The following SLC12A2 variants were observed in gnomAD, a reference collection of about 807,000 sequenced individuals.
The protein encoded by SLC12A2 is Na-K-2Cl cotransporter 1.
A neutral mutation model predicts 136.3 loss-of-function variants in SLC12A2; 67 were observed. The observed-to-expected ratio is 0.49, with a 90% CI of 0.40 to 0.60. The LOEUF is 0.60. Ranked by LOEUF, SLC12A2 falls within the 20% of genes least tolerant of loss-of-function variation. The pLI, the probability that SLC12A2 is intolerant of heterozygous loss-of-function variation, is 0.00. For synonymous variants in SLC12A2, 619 were observed against 562.9 expected (o/e 1.10, Z -1.41); for missense variants, 1,322 against 1,534.7 (o/e 0.86, Z 2.32).
Position 128,103,822 on chromosome 5 carries a change from A to G in SLC12A2, c.757-8992A>G, listed in dbSNP as rs144773540. Among the ~76,000 whole-genome samples, 719 of 152,368 alleles carry G rather than the reference A, an allele frequency of 4.7e-3. 18 individuals are homozygous for G. The highest frequency in any genetic ancestry group is 2.9e-3 in the South Asian group (14 of 4,834). ...AGCAAAAGAACATTATATCAAATTA[A>G]ACATTTTAGTTAGAACCCTCAATTA... On this transcript the variant is annotated intron_variant, in intron 1 of 26. Transcript: ENST00000262461.
chr5:128,088,938 G>C (rs773252812), intron 1 of SLC12A2, among the ~76,000 whole-genome samples: 3 of 152,118 alleles, frequency 2.0e-5, no homozygotes, highest in Non-Finnish European at 2.9e-5. Flanking sequence ...GGAGGCCGAG[G>C]CGGGTGGATC....
chr5:128,156,315 G>C (rs1038148856), intron 15 of SLC12A2, among the ~76,000 whole-genome samples: 1 of 151,948 alleles, frequency 6.6e-6, no homozygotes, highest in Admixed American at 6.6e-5. Flanking sequence ...CTAGCTTTCA[G>C]TATTCCAGTG....
chr5:128,126,905 G>GT (rs1329873821), intron 4 of SLC12A2, among the ~76,000 whole-genome samples: 2 of 92,012 alleles, frequency 2.2e-5, no homozygotes, highest in Non-Finnish European at 4.2e-5. Flanking sequence ...TGAACTGTAT[G>GT]TTTTTTTTCT....
chr5:128,102,867 T>C (rs1239097483), intron 1 of SLC12A2, among the ~76,000 whole-genome samples: 1 of 151,898 alleles, frequency 6.6e-6, no homozygotes, highest in Non-Finnish European at 1.5e-5. Flanking sequence ...AGCGATCCAC[T>C]GGCCTTGGCC....
rs1759892346 is a variant in SLC12A2 at position 128,083,846 on chromosome 5, ACTCT to A, written c.-105_-102del. The A allele has an allele frequency of 1.2e-6, 1 of 814,176 alleles. No homozygotes were observed. The highest frequency in any genetic ancestry group is 6.4e-5 in the South Asian group (1 of 15,582). The allele number at this position is 814,176 out of a possible 1,614,324, so 50.4% of individuals were successfully genotyped here. ...CGGCCCGCAGGCGGCGGGGAGAAAG[ACTCT>A]CTCACCTGGTCTTGCGGCTGTGGCC... On this transcript the variant is annotated 5_prime_UTR_variant, in exon 1 of 27. Coordinates refer to ENST00000262461, the MANE Select transcript of SLC12A2 (RefSeq NM_001046.3).
At chr5:128,138,550 T>G (rs1762256615) in intron 7 of SLC12A2, 47 bp from the exon 8 acceptor site, 1 of 1,553,872 alleles carries the variant, frequency 6.4e-7, no homozygotes, top group East Asian at 2.3e-5. Flanking sequence ...GTTATTATAG[T>G]CTAATTTGCT....
intron 16 of SLC12A2, among the ~76,000 whole-genome samples, chr5:128,159,360 T>C (rs1315535393): frequency 6.6e-6 from 1 of 152,098 alleles, no homozygotes; most frequent in Non-Finnish European, 1.5e-5. Context: ...ACTTCATGAC[T>C]AAAACACCAA....
At chr5:128,149,089 A>G (rs1762617515) in intron 12 of SLC12A2, among the ~76,000 whole-genome samples, 1 of 151,788 alleles carries the variant, frequency 6.6e-6, no homozygotes, top group South Asian at 2.1e-4. Context: ...GAGAATTCCT[A>G]GGCTCTTTTT....
At position 128,134,271 on chromosome 5, in the gene SLC12A2, C is replaced by G. The variant is rs1348543840; in HGVS notation, c.1295C>G (p.Ala432Gly). The G allele has an allele frequency of 5.3e-6, 8 of 1,517,204 alleles. No homozygotes were observed. Among genetic ancestry groups the G allele is most frequent in the Non-Finnish European group, 7.3e-6 (8 of 1,092,966 alleles). The allele number at this position is 1,517,204 out of a possible 1,614,324, so 94.0% of individuals were successfully genotyped here. ...TCAGTAGCTGGAATGGAGTGGGAAGCAAAAGTAAGTTATGATAGGAACACC... is the reference window on the plus strand; with the variant it reads ...TCAGTAGCTGGAATGGAGTGGGAAGGAAAAGTAAGTTATGATAGGAACACC... ...GISVAGMEWE[A>G]KAQIVLLVIL... The change falls in exon 6 of 27, where the codon GCA becomes GGA. Residue 432 changes from alanine (A) to glycine (G), a missense_variant. Physicochemically the swap from Ala to Gly is moderately conservative, Grantham distance 60 (BLOSUM62 0). Transcript: ENST00000262461.
At position 128,135,825 on chromosome 5, in the gene SLC12A2, C is replaced by G. The variant is rs751226380; in HGVS notation, c.1408+17C>G. ...GTTATAAATGTAAGTAAAAAAGATT[C>G]AATATTTTTTAAGGGTACCTATTTA... On this transcript the variant is annotated intron_variant, in intron 7 of 26. Transcript: ENST00000262461. 3 of 1,376,750 alleles carry G rather than the reference C, an allele frequency of 2.2e-6. No individual in the cohort carries two copies. Among genetic ancestry groups the G allele is most frequent in the East Asian group, 4.6e-5 (2 of 43,682 alleles). 85.3% of individuals were successfully genotyped at this position (1,376,750 alleles called of 1,614,324 possible).
chr5:128,120,158 G>A (rs969940382), intron 4 of SLC12A2, among the ~76,000 whole-genome samples: 6 of 152,098 alleles, frequency 3.9e-5, no homozygotes, highest in African/African-American at 1.4e-4. Flanking sequence ...ACCACAATGA[G>A]ATACCATCTC....
chr5:128,179,897 C>G (rs1763648796), intron 22 of SLC12A2, among the ~76,000 whole-genome samples: 1 of 143,506 alleles, frequency 7.0e-6, no homozygotes, highest in Non-Finnish European at 1.5e-5. Flanking sequence ...ATTTCGCCAG[C>G]AGAATCCTCC....
At chr5:128,108,180 G>A (rs573370804) in intron 1 of SLC12A2, among the ~76,000 whole-genome samples, 7 of 152,130 alleles carry the variant, frequency 4.6e-5, no homozygotes, top group African/African-American at 1.4e-4. Flanking sequence ...GCTAACAATA[G>A]GCAGGCATAT....
intron 17 of SLC12A2, among the ~76,000 whole-genome samples, chr5:128,166,026 G>A (rs1312486620): frequency 6.7e-6 from 1 of 149,014 alleles, no homozygotes; most frequent in Non-Finnish European, 1.5e-5. Context: ...TTTTAGTATT[G>A]AATGGGGGGA....
rs144018220 is a variant in SLC12A2 at position 128,089,361 on chromosome 5, T to C, written c.756+4651T>C. 6.6e-5 allele frequency among the ~76,000 whole-genome samples: 10 copies of C among 152,172 alleles called. No individual in the cohort carries two copies. In the East Asian group the frequency reaches 1.9e-3, roughly 30 times the overall value. On this transcript the variant is annotated intron_variant, in intron 1 of 26. Coordinates refer to ENST00000262461, the MANE Select transcript of SLC12A2 (RefSeq NM_001046.3). Reference sequence around the variant, plus strand: ...TGTGATTATGCCTGTGAACAGCCACTGCGCTTCAGCATGGGCAAAACAGCA... The same window carrying C: ...TGTGATTATGCCTGTGAACAGCCACCGCGCTTCAGCATGGGCAAAACAGCA...
chr5:128,142,463 G>A (rs76629405), intron 10 of SLC12A2, among the ~76,000 whole-genome samples: 3,190 of 152,066 alleles, frequency 0.021, 121 homozygotes, highest in African/African-American at 0.072. Flanking sequence ...AAATATGAAT[G>A]GATAAAATCT....
chr5:128,162,957 T>A (rs1305067277), intron 17 of SLC12A2, among the ~76,000 whole-genome samples: 6 of 152,150 alleles, frequency 3.9e-5, no homozygotes, highest in East Asian at 1.9e-4. Flanking sequence ...GTTTTTTTTT[T>A]AAGCTGATCA....
At chr5:128,158,484 A>C (rs1164291160) in intron 16 of SLC12A2, among the ~76,000 whole-genome samples, 1 of 152,172 alleles carries the variant, frequency 6.6e-6, no homozygotes, top group African/African-American at 2.4e-5. Context: ...TAGTTCACTT[A>C]GGATAATAGC....
intron 1 of SLC12A2, among the ~76,000 whole-genome samples, chr5:128,100,966 T>A (rs1760721894): frequency 6.6e-6 from 1 of 152,180 alleles, no homozygotes; most frequent in Admixed American, 6.5e-5. Flanking sequence ...AGGACTGAAT[T>A]CTTTGTAATC....
Sources: allele counts gnomAD v4.1 joint callset (sites outside exome capture counted in the v4.1 genomes callset), GRCh38; gene constraint gnomAD v4.1.1; transcripts MANE v1.5; gene names NCBI Gene and HGNC (gene_info 2026-07-23, HGNC 2026-07-21).